The following WDPCP variants were observed in gnomAD, a reference collection of about 807,000 sequenced individuals.
WDPCP encodes WD repeat containing planar cell polarity effector.
A neutral mutation model predicts 93.1 loss-of-function variants in WDPCP; 71 were observed. The ratio of observed to expected loss-of-function variants is 0.76; its 90% CI spans 0.63 to 0.93. WDPCP has a LOEUF of 0.93. Ranked by LOEUF, WDPCP falls within the 40% of genes least tolerant of loss-of-function variation. The pLI is 0.00. For missense variants in WDPCP, 844 were observed against 887.4 expected, an observed-to-expected ratio of 0.95 and a Z score of 0.62; for synonymous variants, 315 against 315.0, an observed-to-expected ratio of 1.00 and a Z score of 0.00.
chr2:63,364,805 T>C (rs1243443386), intron 12 of WDPCP, among the ~76,000 whole-genome samples: 2 of 152,242 alleles, frequency 1.3e-5, no homozygotes, highest in African/African-American at 4.8e-5. Flanking sequence ...TTCTCTTTCC[T>C]TTCATATTCA....
chr2:63,509,986 G>A (rs907606604), intron 1 of WDPCP, among the ~76,000 whole-genome samples: 9 of 150,552 alleles, frequency 6.0e-5, no homozygotes, highest in East Asian at 2.0e-4. Context: ...ATTCACAGCC[G>A]AATTCTACCA....
chr2:63,730,589 G>A (rs1013362228), intron 2 of WDPCP, among the ~76,000 whole-genome samples: 6 of 151,972 alleles, frequency 3.9e-5, no homozygotes, highest in African/African-American at 1.2e-4. Context: ...TTAGCCTCCC[G>A]AGTAGCTGGG....
At chr2:63,668,517 T>C (rs57329063) in intron 2 of WDPCP, among the ~76,000 whole-genome samples, 5,971 of 152,304 alleles carry the variant, frequency 0.039, 178 homozygotes, top group African/African-American at 0.072. Context: ...ATCTGTACTT[T>C]TAGTAAAACA....
At chr2:63,208,760 A>G (rs1170862535) in intron 14 of WDPCP, among the ~76,000 whole-genome samples, 1 of 152,176 alleles carries the variant, frequency 6.6e-6, no homozygotes, top group Admixed American at 6.5e-5. Context: ...TGTTTCTCCC[A>G]TGAAGCTGTT....
At chr2:63,716,479 G>T (rs1013353335) in intron 2 of WDPCP, among the ~76,000 whole-genome samples, 4 of 152,206 alleles carry the variant, frequency 2.6e-5, no homozygotes, top group African/African-American at 9.6e-5. Context: ...ATTGTCCTCA[G>T]AAGTAATCTC....
At chr2:63,712,870 A>G (rs1669282744) in intron 2 of WDPCP, among the ~76,000 whole-genome samples, 2 of 152,146 alleles carry the variant, frequency 1.3e-5, no homozygotes, top group Non-Finnish European at 2.9e-5. Context: ...CTTAAACCTG[A>G]TGTCATCTTC....
rs530638666 is a variant in WDPCP at position 63,163,678 on chromosome 2, C to G, written c.2079-10104G>C. ...CCAAATTAGACAACAGAATAATTGTCAGATTTTCTGTTGGCAGGGACAGTT... is the reference window on the plus strand; with the variant it reads ...CCAAATTAGACAACAGAATAATTGTGAGATTTTCTGTTGGCAGGGACAGTT... On this transcript the variant is annotated intron_variant, in intron 15 of 17. Transcript: ENST00000272321. 4.6e-4 allele frequency among the ~76,000 whole-genome samples: 70 copies of G among 152,222 alleles called. 1 individual carries two copies. Among genetic ancestry groups the G allele is most frequent in the Admixed American group, 2.0e-4 (3 of 15,292 alleles).
chr2:63,667,518 T>C (rs539318356), intron 2 of WDPCP, among the ~76,000 whole-genome samples: 2 of 152,232 alleles, frequency 1.3e-5, no homozygotes, highest in Non-Finnish European at 2.9e-5. Context: ...TCAGTTTTTT[T>C]GGCCACTTTT....
intron 2 of WDPCP, among the ~76,000 whole-genome samples, chr2:63,661,496 G>A (rs1185642344): frequency 6.6e-6 from 1 of 152,174 alleles, no homozygotes; most frequent in African/African-American, 2.4e-5. Flanking sequence ...ATGGCAAAAA[G>A]TGGGACTTAA....
intron 6 of WDPCP, among the ~76,000 whole-genome samples, chr2:63,447,356 A>AT (rs1315367352): frequency 6.6e-6 from 1 of 152,124 alleles, no homozygotes. Context: ...ATTAGGGATG[A>AT]TTTTTTAAAA....
At chr2:63,313,373 G>A (rs549741566) in intron 12 of WDPCP, 62 bp from the exon 13 acceptor site, 16 of 1,484,264 alleles carry the variant, frequency 1.1e-5, no homozygotes, top group South Asian at 2.4e-5. Context: ...GAAAAGAGCT[G>A]TTTATTTAAC....
intron 12 of WDPCP, among the ~76,000 whole-genome samples, chr2:63,317,761 G>C (rs919090237): frequency 6.6e-6 from 1 of 151,938 alleles, no homozygotes; most frequent in African/African-American, 2.4e-5. Context: ...TACAAAAATC[G>C]ATTCAAGATG....
At chr2:63,313,884 A>ATGTGTGTGTGTG (rs1165930717) in intron 12 of WDPCP, among the ~76,000 whole-genome samples, 206 of 8,018 alleles carry the variant, frequency 0.026, 3 homozygotes, top group African/African-American at 0.08. Flanking sequence ...ATATATATAT[A>ATGTGTGTGTGTG]TATTTTTTTT....
intron 3 of WDPCP, among the ~76,000 whole-genome samples, chr2:63,602,053 G>C (rs1391417808): frequency 2.6e-5 from 4 of 152,210 alleles, no homozygotes; most frequent in Non-Finnish European, 5.9e-5. Context: ...GAACTAATTT[G>C]TGGAGACTAA....
Position 63,575,505 on chromosome 2 carries a change from A to ACAGTATATG in WDPCP, c.75+12691_75+12692insCATATACTG, listed in dbSNP as rs1491111427. On this transcript the variant is annotated intron_variant, in intron 1 of 17. Transcript: ENST00000272321. ...TGTATATATAGTATATACAGTATAT[A>ACAGTATATG]CACTGTATATATAGTATATACAGTA... 1.4e-4 allele frequency among the ~76,000 whole-genome samples: 2 copies of ACAGTATATG among 13,800 alleles called. 1 individual carries two copies. Among genetic ancestry groups the ACAGTATATG allele is most frequent in the Non-Finnish European group, 2.4e-4 (2 of 8,508 alleles). 9.1% of individuals were successfully genotyped at this position (13,800 alleles called of 152,430 possible). A position where few individuals can be genotyped will look rare whatever the true frequency, so the allele number is the denominator to read the frequency against.
chr2:63,559,560 G>A (rs1240004501), intron 1 of WDPCP, among the ~76,000 whole-genome samples: 1 of 152,150 alleles, frequency 6.6e-6, no homozygotes, highest in African/African-American at 2.4e-5. Flanking sequence ...AGGCTGATAA[G>A]TAACTTCTGC....
At position 63,378,433 on chromosome 2, in the gene WDPCP, T is replaced by C; in HGVS notation, c.1701A>G (p.Arg567=). The stretch of plus-strand genomic sequence containing the variant: ...TCCTTGCATATTTGCTGATTTGATC[T>C]CTATATTCCAATATAGTGGAATCCA... ...PLLDSTILEY[R]DQISKYARRF... The change falls in exon 12 of 18, where the codon AGA becomes AGG. Residue 567 remains arginine, a synonymous_variant. Coordinates refer to ENST00000272321, the MANE Select transcript of WDPCP (RefSeq NM_015910.7). 1 of 1,613,290 alleles carries C rather than the reference T, an allele frequency of 6.2e-7. No individual in the cohort carries two copies. Among genetic ancestry groups the C allele is most frequent in the Non-Finnish European group, 8.5e-7 (1 of 1,179,462 alleles).
chr2:63,611,020 C>T (rs1192306170), intron 3 of WDPCP, among the ~76,000 whole-genome samples: 7 of 152,094 alleles, frequency 4.6e-5, no homozygotes, highest in Non-Finnish European at 7.3e-5. Context: ...ATTACTTGAG[C>T]CCCAGAAGCA....
intron 6 of WDPCP, among the ~76,000 whole-genome samples, chr2:63,469,523 A>C (rs751185921): frequency 1.3e-5 from 2 of 152,250 alleles, no homozygotes; most frequent in Non-Finnish European, 2.9e-5. Flanking sequence ...AGCCATAAAA[A>C]GGACTAAGAC....
Sources: allele counts gnomAD v4.1 joint callset (sites outside exome capture counted in the v4.1 genomes callset), GRCh38; gene constraint gnomAD v4.1.1; transcripts MANE v1.5; gene names NCBI Gene and HGNC (gene_info 2026-07-23, HGNC 2026-07-21).